The following SGCD variants were observed in gnomAD, a reference collection of about 807,000 sequenced individuals.
The protein encoded by SGCD is delta-sarcoglycan.
SGCD carries 18 observed loss-of-function variants against 36.6 expected under a neutral mutation model. The ratio of observed to expected loss-of-function variants is 0.49; its 90% CI spans 0.34 to 0.73. The LOEUF is 0.73. SGCD is among the 30% of genes least tolerant of loss of function. SGCD has a pLI of 0.01. For missense variants in SGCD, 387 were observed against 346.7 expected (o/e 1.12, Z -0.92); for synonymous variants, 133 against 130.6 (o/e 1.02, Z -0.12).
intron 2 of SGCD, among the ~76,000 whole-genome samples, chr5:156,336,796 A>T (rs964306499): frequency 1.2e-4 from 19 of 152,314 alleles, no homozygotes; most frequent in Non-Finnish European, 2.5e-4. Flanking sequence ...ATGTTCTTTG[A>T]TTCTTTTAAA....
intron 3 of SGCD, among the ~76,000 whole-genome samples, chr5:156,417,075 C>T (rs372071654): frequency 2.2e-4 from 34 of 152,060 alleles, no homozygotes; most frequent in African/African-American, 7.2e-4. Flanking sequence ...GAGAACAATG[C>T]TTTTTTTAAA....
chr5:156,122,554 A>G (rs953660079), intron 2 of SGCD, among the ~76,000 whole-genome samples: 1 of 152,058 alleles, frequency 6.6e-6, no homozygotes, highest in Non-Finnish European at 1.5e-5. Flanking sequence ...TAATAGAATC[A>G]GAGGTGTGTT....
chr5:156,024,608 A>C (rs1163723633), intron 1 of SGCD, among the ~76,000 whole-genome samples: 2 of 151,996 alleles, frequency 1.3e-5, no homozygotes, highest in Non-Finnish European at 2.9e-5. Context: ...GAAAAACTCT[A>C]TTTTAGATAG....
At chr5:156,151,382 C>CT (rs1272756006) in intron 3 of SGCD, among the ~76,000 whole-genome samples, 2 of 151,378 alleles carry the variant, frequency 1.3e-5, no homozygotes, top group Non-Finnish European at 2.9e-5. Context: ...GTAATGGAGC[C>CT]CACCTCTGCC....
chr5:156,241,689 T>A (rs1414479151), intron 3 of SGCD, among the ~76,000 whole-genome samples: 1 of 152,196 alleles, frequency 6.6e-6, no homozygotes, highest in Non-Finnish European at 1.5e-5. Context: ...AATATCCAAT[T>A]TGCTGAGGAA....
At chr5:155,889,296 TC>T (rs774171121) in intron 1 of SGCD, among the ~76,000 whole-genome samples, 4 of 152,216 alleles carry the variant, frequency 2.6e-5, no homozygotes, top group Non-Finnish European at 5.9e-5. Flanking sequence ...TGATTTTTTT[TC>T]TCATTTATAA....
chr5:156,318,278 T>C (rs1424366769), intron 3 of SGCD, among the ~76,000 whole-genome samples: 1 of 152,192 alleles, frequency 6.6e-6, no homozygotes, highest in African/African-American at 2.4e-5. Context: ...AAAAGGATAA[T>C]TAATGCATTT....
At chr5:156,136,421 T>C (rs1762457951) in intron 3 of SGCD, among the ~76,000 whole-genome samples, 1 of 152,230 alleles carries the variant, frequency 6.6e-6, no homozygotes, top group South Asian at 2.1e-4. Context: ...TCAATCACTT[T>C]TTAGAATAAA....
At position 156,712,648 on chromosome 5, in the gene SGCD, G is replaced by A. The variant is rs557709098; in HGVS notation, c.576-44933G>A. Reference sequence around the variant, plus strand: ...CAGGAAACACTAGAGGCAAGGTCTGGGCTTGACTCCATCTCCTCTTTTTGC... The same window carrying A: ...CAGGAAACACTAGAGGCAAGGTCTGAGCTTGACTCCATCTCCTCTTTTTGC... On this transcript the variant is annotated intron_variant, in intron 7 of 8. Transcript: ENST00000337851. 1.3e-4 allele frequency among the ~76,000 whole-genome samples: 20 copies of A among 152,226 alleles called. No individual in the cohort carries two copies. In the South Asian group the frequency reaches 2.1e-3, roughly 16 times the overall value.
intron 1 of SGCD, among the ~76,000 whole-genome samples, chr5:155,975,583 A>G (rs1321307126): frequency 1.8e-5 from 2 of 108,910 alleles, no homozygotes; most frequent in African/African-American, 7.1e-5. Flanking sequence ...TCAGAGAATC[A>G]TGTGTTATTT....
chr5:155,902,315 CACTT>C (rs1456744156), intron 1 of SGCD, among the ~76,000 whole-genome samples: 1 of 152,142 alleles, frequency 6.6e-6, no homozygotes, highest in Non-Finnish European at 1.5e-5. Flanking sequence ...ATTTATTGGT[CACTT>C]ACTGTGCACT....
intron 1 of SGCD, among the ~76,000 whole-genome samples, chr5:155,923,168 C>T (rs1467345589): frequency 6.6e-6 from 1 of 152,154 alleles, no homozygotes; most frequent in Non-Finnish European, 1.5e-5. Flanking sequence ...AAGAGATTTA[C>T]ATTTACAGGT....
chr5:156,571,741 C>T (rs1470725352), intron 4 of SGCD, among the ~76,000 whole-genome samples: 2 of 152,236 alleles, frequency 1.3e-5, no homozygotes, highest in South Asian at 2.1e-4. Flanking sequence ...TCCCCCAAAA[C>T]TGTTTTACTG....
intron 1 of SGCD, chr5:156,117,817 T>A (rs1478826489): frequency 6.6e-6 from 1 of 152,144 alleles, no homozygotes; most frequent in Non-Finnish European, 1.5e-5. Flanking sequence ...AATAATATCC[T>A]TGTTGATAGT....
At chr5:156,376,355 G>A (rs77920113) in intron 3 of SGCD, among the ~76,000 whole-genome samples, 3,067 of 152,290 alleles carry the variant, frequency 0.02, 107 homozygotes, top group African/African-American at 0.069. Flanking sequence ...CACCCACAAC[G>A]TCATGACTGA....
intron 3 of SGCD, among the ~76,000 whole-genome samples, chr5:156,279,011 T>C (rs1766384593): frequency 6.6e-6 from 1 of 152,182 alleles, no homozygotes; most frequent in Non-Finnish European, 1.5e-5. Flanking sequence ...GCTAATGGCA[T>C]CTAGTGGGTA....
chr5:156,245,747 G>C (rs1489920730), intron 3 of SGCD, among the ~76,000 whole-genome samples: 1 of 151,954 alleles, frequency 6.6e-6, no homozygotes, highest in Non-Finnish European at 1.5e-5. Context: ...AGAAATTCTA[G>C]AAGACAACAA....
chr5:155,809,150 C>G, the SGCD span, among the ~76,000 whole-genome samples: 1 of 152,152 alleles, frequency 6.6e-6, no homozygotes, highest in Admixed American at 6.5e-5. Flanking sequence ...GCCAGGATTA[C>G]CTGGAGAAGA....
At position 156,760,300 on chromosome 5, in the gene SGCD, A is replaced by G. The variant is rs1581543143; in HGVS notation, c.*910A>G. 1 of 152,342 alleles carries G rather than the reference A, an allele frequency of 6.6e-6. No homozygotes were observed. Among genetic ancestry groups the G allele is most frequent in the East Asian group, 1.9e-4 (1 of 5,186 alleles). 9.4% of individuals were successfully genotyped at this position (152,342 alleles called of 1,614,324 possible). A position where few individuals can be genotyped will look rare whatever the true frequency, so the allele number is the denominator to read the frequency against. On this transcript the variant is annotated 3_prime_UTR_variant, in exon 9 of 9. Transcript: ENST00000337851. ...TTTAACCAAAAGATTTCAACCCACA[A>G]TGATCAGGTCAATCAAAATCCCTAA...
Sources: allele counts gnomAD v4.1 joint callset (sites outside exome capture counted in the v4.1 genomes callset), GRCh38; gene constraint gnomAD v4.1.1; transcripts MANE v1.5; gene names NCBI Gene and HGNC (gene_info 2026-07-23, HGNC 2026-07-21).